The following SORCS2 variants were observed in gnomAD, a reference collection of about 807,000 sequenced individuals.
The protein encoded by SORCS2 is sortilin related VPS10 domain containing receptor 2.
SORCS2 carries 100 observed loss-of-function variants against 141.6 expected under a neutral mutation model. The ratio of observed to expected loss-of-function variants is 0.71; its 90% confidence interval spans 0.60 to 0.83. The LOEUF is 0.83. Ranked by LOEUF, SORCS2 falls within the 40% of genes least tolerant of loss-of-function variation. The pLI is 0.00. For missense variants in SORCS2, 1,646 were observed against 1,560.2 expected (o/e 1.05, Z -0.93); for synonymous variants, 789 against 676.9 (o/e 1.17, Z -2.57).
At chr4:7,595,483 C>A (rs1422270123) in intron 3 of SORCS2, among the ~76,000 whole-genome samples, 1 of 152,174 alleles carries the variant, frequency 6.6e-6, no homozygotes, top group Admixed American at 6.5e-5. Flanking sequence ...TGCCTTGGTC[C>A]TTCTGGGTAC....
rs1351800945 is a variant in SORCS2, at chr4:7,648,394, G to A, written c.814-5740G>A. Among the ~76,000 whole-genome samples the A allele has an allele frequency of 6.6e-6, 1 of 152,164 alleles. No homozygotes were observed. The highest frequency in any genetic ancestry group is 2.4e-5 in the African/African-American group (1 of 41,420). Reference sequence around the variant, plus strand: ...CTGGCAGGAGAGGATCCTGGAAGGGGGATGTGTGGCATGAGCCTCAGAGTA... The same window carrying A: ...CTGGCAGGAGAGGATCCTGGAAGGGAGATGTGTGGCATGAGCCTCAGAGTA... On this transcript the variant is annotated intron_variant, in intron 4 of 26. Transcript: ENST00000507866. This position sits in a 1 kb window ranked among gnomAD's most constrained non-coding sequence, Gnocchi z 4.2.
intron 1 of SORCS2, among the ~76,000 whole-genome samples, chr4:7,270,070 A>T (rs544765638): frequency 6.6e-6 from 1 of 152,344 alleles, no homozygotes; most frequent in African/African-American, 2.4e-5. Flanking sequence ...TAGTAGGCAC[A>T]GGGTTTTACT....
intron 23 of SORCS2, among the ~76,000 whole-genome samples, chr4:7,730,926 G>A (rs185724191): frequency 7.2e-5 from 11 of 152,362 alleles, no homozygotes; most frequent in Admixed American, 5.9e-4. Flanking sequence ...GCCTGCACTG[G>A]TCAGGGAGAC....
chr4:7,360,363 G>A (rs375112953), intron 1 of SORCS2, among the ~76,000 whole-genome samples: 1 of 151,980 alleles, frequency 6.6e-6, no homozygotes, highest in East Asian at 1.9e-4. Flanking sequence ...TGCCTGACAC[G>A]AAACACTGCT....
intron 1 of SORCS2, among the ~76,000 whole-genome samples, chr4:7,242,072 G>C (rs1577313727): frequency 6.6e-6 from 1 of 152,284 alleles, no homozygotes; most frequent in East Asian, 1.9e-4. Context: ...GCAGCTTCAG[G>C]ACCCTCAGAC....
chr4:7,470,282 C>T (rs957646991), intron 2 of SORCS2, among the ~76,000 whole-genome samples: 11 of 151,938 alleles, frequency 7.2e-5, no homozygotes, highest in African/African-American at 1.9e-4. Flanking sequence ...GCCATCCTCC[C>T]GTCCTCCCTT....
intron 2 of SORCS2, among the ~76,000 whole-genome samples, chr4:7,525,029 C>T (rs1006794394): frequency 1.1e-4 from 16 of 152,230 alleles, no homozygotes; most frequent in Admixed American, 7.9e-4. Context: ...GGACACAGCG[C>T]GGGGAGAGGC....
rs549695881 is a variant in SORCS2 at position 7,389,035 on chromosome 4, G to A, written c.481-7253G>A. Among the ~76,000 whole-genome samples the A allele has an allele frequency of 4.6e-5, 7 of 152,362 alleles. No homozygotes were observed. The South Asian group carries it at 1.2e-3, about 27-fold the overall frequency. On this transcript the variant is annotated intron_variant, in intron 1 of 26. Transcript: ENST00000507866. ...CACATGGGCTCGTGCTTAACTTGGC[G>A]GTTCTGCCCGTGCCCCACTGCGGGT...
chr4:7,338,571 G>A (rs1378392755), intron 1 of SORCS2, among the ~76,000 whole-genome samples: 2 of 152,126 alleles, frequency 1.3e-5, no homozygotes, highest in African/African-American at 4.8e-5. Flanking sequence ...GCCAGCCAGG[G>A]TGGGGCTGGC....
intron 4 of SORCS2, among the ~76,000 whole-genome samples, chr4:7,642,430 T>G (rs2108875440): frequency 6.6e-6 from 1 of 152,342 alleles, no homozygotes; most frequent in South Asian, 2.1e-4. Context: ...AGTTATTTGC[T>G]TTGGTTCTTT....
chr4:7,454,515 ATGCTGTGTTGGGGTCAGC>A (rs1479966527), intron 2 of SORCS2, among the ~76,000 whole-genome samples: 836 of 67,448 alleles, frequency 0.012, 1 homozygote, highest in Middle Eastern at 0.044. Context: ...TTGGGGTCAG[ATGCTGTGTTGGGGTCAGC>A]TGCTGTGTTG....
At chr4:7,650,693 C>T (rs957061189) in intron 4 of SORCS2, among the ~76,000 whole-genome samples, 46 of 151,304 alleles carry the variant, frequency 3.0e-4, no homozygotes, top group Non-Finnish European at 5.6e-4. Flanking sequence ...CCCGGGTCCC[C>T]GCCTCCCTCT....
At chr4:7,645,520 G>A (rs746758996) in intron 4 of SORCS2, among the ~76,000 whole-genome samples, 3 of 152,198 alleles carry the variant, frequency 2.0e-5, no homozygotes, top group East Asian at 1.9e-4. Context: ...AGTGTGAAGT[G>A]AGGTGGCATT....
At chr4:7,603,145 CAT>C (rs1717846385) in intron 3 of SORCS2, among the ~76,000 whole-genome samples, 1 of 146,042 alleles carries the variant, frequency 6.8e-6, no homozygotes, top group Non-Finnish European at 1.5e-5. Flanking sequence ...AGAGGGAGAC[CAT>C]GGAGAGAGAG....
At chr4:7,676,890 GCCTCTCTCTCTCTCTCCCTCTCTC>G (rs1295435015) in intron 9 of SORCS2, among the ~76,000 whole-genome samples, 323 of 31,386 alleles carry the variant, frequency 0.01, 13 homozygotes, top group South Asian at 0.026. Flanking sequence ...TCTGAAGTTG[GCCTCTCTCTCTCTCTCCCTCTCTC>G]CCTCTCTCCC....
At chr4:7,669,813 A>T (rs756285220) in intron 8 of SORCS2, among the ~76,000 whole-genome samples, 1 of 152,202 alleles carries the variant, frequency 6.6e-6, no homozygotes, top group Non-Finnish European at 1.5e-5. Context: ...AATTATGAGC[A>T]GTCCTGGGTC....
intron 3 of SORCS2, among the ~76,000 whole-genome samples, chr4:7,574,734 A>G (rs1392778180): frequency 1.3e-5 from 2 of 152,106 alleles, no homozygotes; most frequent in Non-Finnish European, 2.9e-5. Flanking sequence ...TTTTAGGTCA[A>G]CCCCCATGAG....
At chr4:7,361,128 A>T (rs553443106) in intron 1 of SORCS2, among the ~76,000 whole-genome samples, 1 of 152,170 alleles carries the variant, frequency 6.6e-6, no homozygotes, top group Admixed American at 6.5e-5. Context: ...TCTTCCTCAC[A>T]TAGGCCCTGT....
At chr4:7,352,928 C>G (rs74446751) in intron 1 of SORCS2, among the ~76,000 whole-genome samples, 4,359 of 152,302 alleles carry the variant, frequency 0.029, 63 homozygotes, top group Middle Eastern at 0.054. Context: ...TAACACCCTG[C>G]ACAAGGGCAG....
Sources: gnomAD v4.1 joint callset for allele counts (sites outside exome capture counted in the v4.1 genomes callset) on GRCh38, gnomAD v4.1.1 for gene constraint, Gnocchi (gnomAD v3.1) non-coding constraint, MANE v1.5 for transcripts, NCBI Gene and HGNC (gene_info 2026-07-23, HGNC 2026-07-21) for gene names.